Variants in AMPH observed in about 807,000 individuals in gnomAD.
The protein encoded by AMPH is amphiphysin (Stiff-Mann syndrome with breast cancer 128kD autoantigen).
A neutral mutation model predicts 99.1 loss-of-function variants in AMPH; 49 were observed. The ratio of observed to expected loss-of-function variants is 0.49; its 90% confidence interval spans 0.39 to 0.63. The LOEUF is 0.63. Among genes scored for constraint, AMPH ranks in the 20% least tolerant of loss-of-function variants. The probability of loss-of-function intolerance (pLI) is 0.00; values close to 1 mark genes in which losing one functional copy is unlikely to be tolerated. For missense variants in AMPH, 759 were observed against 863.4 expected, an observed-to-expected ratio of 0.88 and a Z score of 1.52; for synonymous variants, 314 against 317.3, an observed-to-expected ratio of 0.99 and a Z score of 0.11.
intron 12 of AMPH, among the ~76,000 whole-genome samples, chr7:38,433,647 C>A (rs1347911666): frequency 1.2e-5 from 1 of 82,620 alleles, no homozygotes; most frequent in Non-Finnish European, 2.2e-5. Flanking sequence ...ATGGCATGAA[C>A]CCGGGAGGCG....
chr7:38,537,163 A>T (rs926693031), intron 1 of AMPH, among the ~76,000 whole-genome samples: 1 of 152,182 alleles, frequency 6.6e-6, no homozygotes, highest in African/African-American at 2.4e-5. Flanking sequence ...AAAAACTCCC[A>T]GCAAAAAAAA....
At chr7:38,412,634 C>A (rs1254614351) in intron 17 of AMPH, among the ~76,000 whole-genome samples, 4 of 152,170 alleles carry the variant, frequency 2.6e-5, no homozygotes, top group East Asian at 1.9e-4. Context: ...TTATTCTTGG[C>A]TAATTTTATC....
chr7:38,398,415 T>C (rs561002260), intron 17 of AMPH, among the ~76,000 whole-genome samples: 3 of 152,258 alleles, frequency 2.0e-5, no homozygotes, highest in African/African-American at 7.2e-5. Context: ...CTGGAGGTCA[T>C]TATGTTAAGG....
intron 17 of AMPH, among the ~76,000 whole-genome samples, chr7:38,404,365 CCTG>C (rs1784924954): frequency 6.6e-6 from 1 of 152,052 alleles, no homozygotes; most frequent in Non-Finnish European, 1.5e-5. Flanking sequence ...AAATAAAAAA[CCTG>C]CTGCAGAAGG....
At chr7:38,541,854 G>A (rs757238189) in intron 1 of AMPH, among the ~76,000 whole-genome samples, 2 of 152,062 alleles carry the variant, frequency 1.3e-5, no homozygotes, top group African/African-American at 4.8e-5. Context: ...GAAAACTAGG[G>A]AAAAAAGAAA....
At chr7:38,488,381 G>C (rs1584157013) in intron 5 of AMPH, among the ~76,000 whole-genome samples, 1 of 152,222 alleles carries the variant, frequency 6.6e-6, no homozygotes, top group East Asian at 1.9e-4. Context: ...GCAGGGACAT[G>C]GATGAAGCTG....
chr7:38,569,297 A>G (rs559617411), intron 1 of AMPH, among the ~76,000 whole-genome samples: 51 of 152,074 alleles, frequency 3.4e-4, no homozygotes, highest in African/African-American at 1.2e-3. Context: ...AATTAGGAAC[A>G]CTAAGTATGC....
At chr7:38,603,296 CAG>C (rs1326050489) in intron 1 of AMPH, among the ~76,000 whole-genome samples, 4 of 118,170 alleles carry the variant, frequency 3.4e-5, no homozygotes, top group African/African-American at 1.4e-4. Context: ...AGCCTGGTGA[CAG>C]AGTGAGACTC....
intron 2 of AMPH, among the ~76,000 whole-genome samples, chr7:38,506,045 C>T (rs1465574495): frequency 6.6e-6 from 1 of 152,168 alleles, no homozygotes; most frequent in Admixed American, 6.5e-5. Flanking sequence ...TAAAAGCCAT[C>T]ACATGCTCCT....
intron 17 of AMPH, among the ~76,000 whole-genome samples, chr7:38,398,461 G>A (rs890462485): frequency 2.6e-5 from 4 of 152,168 alleles, no homozygotes; most frequent in Non-Finnish European, 5.9e-5. Flanking sequence ...AACTTTGAAT[G>A]TTCTTACTTA....
intron 1 of AMPH, among the ~76,000 whole-genome samples, chr7:38,576,483 C>G (rs756328443): frequency 6.6e-6 from 1 of 151,960 alleles, no homozygotes; most frequent in Non-Finnish European, 1.5e-5. Context: ...CTTAGCCACC[C>G]GAGAATTCCT....
intron 4 of AMPH, 35 bp downstream of exon 4, chr7:38,494,398 C>G: frequency 6.4e-7 from 1 of 1,566,030 alleles, no homozygotes; most frequent in Non-Finnish European, 8.8e-7. Flanking sequence ...GAGCAAGGGT[C>G]GTGGGAGCCT....
At chr7:38,518,489 A>G (rs1789834565) in intron 2 of AMPH, among the ~76,000 whole-genome samples, 1 of 152,222 alleles carries the variant, frequency 6.6e-6, no homozygotes, top group African/African-American at 2.4e-5. Context: ...TAAATGGGAT[A>G]TAGAGTCAAG....
chr7:38,437,097 C>A (rs961575903), intron 11 of AMPH, among the ~76,000 whole-genome samples: 1 of 152,156 alleles, frequency 6.6e-6, no homozygotes, highest in South Asian at 2.1e-4. Flanking sequence ...AGACACAGGA[C>A]GAAAGTCCTG....
intron 1 of AMPH, among the ~76,000 whole-genome samples, chr7:38,544,030 A>C (rs758690963): frequency 6.6e-6 from 1 of 152,196 alleles, no homozygotes; most frequent in Non-Finnish European, 1.5e-5. Flanking sequence ...CCCTAAAAAC[A>C]GGAGCAGAGA....
chr7:38,600,102 C>T (rs1032977883), intron 1 of AMPH, among the ~76,000 whole-genome samples: 6 of 152,036 alleles, frequency 3.9e-5, no homozygotes, highest in African/African-American at 1.2e-4. Context: ...TTTTAAAATA[C>T]ATTTTTATTT....
chr7:38,425,761 T>C (rs948716714), intron 15 of AMPH, among the ~76,000 whole-genome samples: 1 of 152,202 alleles, frequency 6.6e-6, no homozygotes, highest in Non-Finnish European at 1.5e-5. Context: ...TGCACACATA[T>C]AGGGCGGAAA....
chr7:38,521,709 T>C (rs1213125293), intron 2 of AMPH, among the ~76,000 whole-genome samples: 1 of 152,212 alleles, frequency 6.6e-6, no homozygotes, highest in Non-Finnish European at 1.5e-5. Context: ...GTTGCTTTCT[T>C]GATCTACAGA....
Position 38,473,596 on chromosome 7 carries a change from C to T in AMPH, c.590+1735G>A, listed in dbSNP as rs1208726536. 2.9e-5 allele frequency among the ~76,000 whole-genome samples: 3 copies of T among 104,022 alleles called. 1 individual carries two copies. The Admixed American group carries it at 3.4e-4, about 12-fold the overall frequency. 68.2% of individuals were successfully genotyped at this position (104,022 alleles called of 152,430 possible). A position where few individuals can be genotyped will look rare whatever the true frequency, so the allele number is the denominator to read the frequency against. ...GCGGGCGCCTGTAGTCCCAGCTACTCGGGAGGCTGAGGCAGGAGAATGGCG... is the reference window on the plus strand; with the variant it reads ...GCGGGCGCCTGTAGTCCCAGCTACTTGGGAGGCTGAGGCAGGAGAATGGCG... On this transcript the variant is annotated intron_variant, in intron 7 of 20. Coordinates refer to ENST00000356264, the MANE Select transcript of AMPH (RefSeq NM_001635.4).
Sources: gnomAD v4.1 joint callset for allele counts (sites outside exome capture counted in the v4.1 genomes callset) on GRCh38, gnomAD v4.1.1 for gene constraint, MANE v1.5 for transcripts, NCBI Gene and HGNC (gene_info 2026-07-23, HGNC 2026-07-21) for gene names.